Variants in SYCE1L observed in about 807,000 individuals in gnomAD.
The protein encoded by SYCE1L is synaptonemal complex central element protein 1 like.
In SYCE1L, 51 loss-of-function variants were observed where a neutral mutation model predicts 39.6. That is an observed-to-expected ratio of 1.29 (90% confidence interval 1.03 to 1.63). The LOEUF (loss-of-function observed/expected upper bound fraction) is 1.63. Among genes scored for constraint, SYCE1L ranks in the 40% most tolerant of loss-of-function variants. SYCE1L has a pLI of 0.00. For missense variants in SYCE1L, 426 were observed against 304.9 expected (o/e 1.40, Z -2.96); for synonymous variants, 147 against 122.4 (o/e 1.20, Z -1.33).
At position 77,211,207 on chromosome 16, in the gene SYCE1L, C is replaced by T; in HGVS notation, c.360-6C>T. 6.4e-6 allele frequency: 10 copies of T among 1,551,904 alleles called. No homozygotes were observed. Among genetic ancestry groups the T allele is most frequent in the Non-Finnish European group, 8.7e-6 (10 of 1,147,034 alleles). ...TGTTCTCTTATTCCTGGGTGTCGGCCTCCAGGTTGGATGTCAGAGGACAGC... is the reference window on the plus strand; with the variant it reads ...TGTTCTCTTATTCCTGGGTGTCGGCTTCCAGGTTGGATGTCAGAGGACAGC... On this transcript the variant is annotated splice_region_variant and splice_polypyrimidine_tract_variant and intron_variant, in intron 6 of 10. Coordinates refer to ENST00000378644, the MANE Select transcript of SYCE1L (RefSeq NM_001129979.3).
rs182688168 is a variant in SYCE1L at position 77,200,715 on chromosome 16, C to T, written c.61+1203C>T. On this transcript the variant is annotated intron_variant, in intron 1 of 10. Coordinates refer to ENST00000378644, the MANE Select transcript of SYCE1L (RefSeq NM_001129979.3). ...AGGTTATCGTGAGCTGACATTGCGC[C>T]ACTGCACTCCAGCGCGGAAGACAGA... is the stretch of plus-strand genomic sequence containing the variant. The T allele has an allele frequency of 6.1e-4, 88 of 143,964 alleles. 1 individual carries two copies. The highest frequency in any genetic ancestry group is 2.3e-3 in the African/African-American group (88 of 38,844). 8.9% of individuals were successfully genotyped at this position (143,964 alleles called of 1,614,324 possible).
At chr16:77,208,601 C>A in intron 4 of SYCE1L, 62 bp downstream of exon 4, 1 of 1,479,138 alleles carries the variant, frequency 6.8e-7, no homozygotes, top group Non-Finnish European at 9.2e-7. Context: ...TACCTCAGGG[C>A]CTTTGCACAG....
At chr16:77,200,304 C>T (rs1468702101) in intron 1 of SYCE1L, 2 of 65,350 alleles carry the variant, frequency 3.1e-5, no homozygotes, top group Non-Finnish European at 7.2e-5. Flanking sequence ...ACACACTAAT[C>T]AGCCGGGCGC....
chr16:77,200,108 G>T (rs979206558), intron 1 of SYCE1L: 1 of 151,264 alleles, frequency 6.6e-6, no homozygotes, highest in Non-Finnish European at 1.5e-5. Context: ...GAGGCGGGCG[G>T]ATCACGAGGT....
Position 77,204,242 on chromosome 16 carries a change from C to G in SYCE1L, c.62-2199C>G, listed in dbSNP as rs965269894. ...TCTATGTGTACCCAGTAGATACAGT[C>G]TAATGCAAGCACAAAGAATAATGTA... On this transcript the variant is annotated intron_variant, in intron 1 of 10. Transcript: ENST00000378644. Among the ~76,000 whole-genome samples, 6 of 152,134 alleles carry G rather than the reference C, an allele frequency of 3.9e-5. No individual in the cohort carries two copies. In the East Asian group the frequency reaches 9.6e-4, roughly 24 times the overall value.
rs1400136706 is a variant in SYCE1L at position 77,209,619 on chromosome 16, T to C, written c.359+148T>C. The C allele has an allele frequency of 1.6e-5, 13 of 810,352 alleles. No individual in the cohort carries two copies. In the Admixed American group the frequency reaches 3.6e-4, roughly 23 times the overall value. The allele number at this position is 810,352 out of a possible 1,614,324, so 50.2% of individuals were successfully genotyped here. On this transcript the variant is annotated intron_variant, in intron 6 of 10. Coordinates refer to ENST00000378644, the MANE Select transcript of SYCE1L (RefSeq NM_001129979.3). ...GCCTGACAAAAGATTTCCTTGGTTA[T>C]CTCTGATATTAAATGGTCGTGTTAA...
At chr16:77,200,256 GTATATATATATATATGTGTA>G (rs2054720099) in intron 1 of SYCE1L, 2 of 83,616 alleles carry the variant, frequency 2.4e-5, no homozygotes, top group Non-Finnish European at 5.7e-5. Context: ...ATGTATATGT[GTATATATATATATATGTGTA>G]TATATATATA....
intron 7 of SYCE1L, among the ~76,000 whole-genome samples, chr16:77,211,864 C>T (rs1029114187): frequency 6.6e-6 from 1 of 151,762 alleles, no homozygotes. Flanking sequence ...TGCCTGAAAC[C>T]GTTGAGGAGC....
chr16:77,212,370 G>C lies in SYCE1L; in HGVS notation c.581+1G>C. 1.3e-6 allele frequency: 2 copies of C among 1,529,156 alleles called. No homozygotes were observed. The highest frequency in any genetic ancestry group is 1.8e-6 in the Non-Finnish European group (2 of 1,139,400). 94.7% of individuals were successfully genotyped at this position (1,529,156 alleles called of 1,614,324 possible). A position where few individuals can be genotyped will look rare whatever the true frequency, so the allele number is the denominator to read the frequency against. ...AGGGCGCCATGGCGGTGAATGACGG[G>C]TGAGAGGGGAAGGGAGGAGTGGGCG... On this transcript the variant is annotated splice_donor_variant, in intron 9 of 10. Coordinates refer to ENST00000378644, the MANE Select transcript of SYCE1L (RefSeq NM_001129979.3). LOFTEE classifies it high-confidence loss of function.
At chr16:77,201,616 G>A (rs1192044676) in intron 1 of SYCE1L, 1 of 152,130 alleles carries the variant, frequency 6.6e-6, no homozygotes, top group Non-Finnish European at 1.5e-5. Flanking sequence ...GTAATCAAAG[G>A]AGAATACGTA....
chr16:77,203,792 G>C (rs1438742309), intron 1 of SYCE1L, among the ~76,000 whole-genome samples: 4 of 151,782 alleles, frequency 2.6e-5, no homozygotes, highest in Non-Finnish European at 4.4e-5. Flanking sequence ...TTGGGGTTTT[G>C]CCACGTTGGC....
intron 1 of SYCE1L, among the ~76,000 whole-genome samples, chr16:77,204,738 C>A (rs2054773191): frequency 6.6e-6 from 1 of 152,030 alleles, no homozygotes. Flanking sequence ...AACATGCTAC[C>A]ACTTACATAG....
intron 1 of SYCE1L, 141 bp from the exon 2 acceptor site, chr16:77,206,300 C>T: frequency 1.5e-6 from 1 of 687,434 alleles, no homozygotes. Flanking sequence ...GGGGGCCCTG[C>T]TTCAGATGGA....
At chr16:77,211,793 G>A (rs1253893874) in intron 7 of SYCE1L, among the ~76,000 whole-genome samples, 2 of 152,158 alleles carry the variant, frequency 1.3e-5, no homozygotes, top group Admixed American at 6.5e-5. Context: ...CAGAGGTGAA[G>A]GAAGTGAGGG....
At chr16:77,200,817 AC>A (rs2054733723) in intron 1 of SYCE1L, 2 of 151,806 alleles carry the variant, frequency 1.3e-5, no homozygotes, top group South Asian at 4.1e-4. Context: ...TTTGTATGCC[AC>A]TAGCATTTTT....
In SYCE1L at chr16:77,209,309, G is replaced by A; in HGVS notation, c.305-108G>A. The A allele has an allele frequency of 2.2e-6, 3 of 1,380,608 alleles. No individual in the cohort carries two copies. In the South Asian group the frequency reaches 3.7e-5, roughly 17 times the overall value. The allele number at this position is 1,380,608 out of a possible 1,614,324, so 85.5% of individuals were successfully genotyped here. ...TACATCACTTGGAGTAAACACCCAAGTCCTCACAGTGCCCTCCAATGCCTG... is the reference window on the plus strand; with the variant it reads ...TACATCACTTGGAGTAAACACCCAAATCCTCACAGTGCCCTCCAATGCCTG... On this transcript the variant is annotated intron_variant, in intron 5 of 10. Transcript: ENST00000378644.
intron 1 of SYCE1L, among the ~76,000 whole-genome samples, chr16:77,205,139 G>C (rs2054777137): frequency 6.6e-6 from 1 of 151,680 alleles, no homozygotes; most frequent in Admixed American, 6.6e-5. Flanking sequence ...AGCTTGTAAT[G>C]CTAGTGGCCT....
rs2054826754 is a variant in SYCE1L, at chr16:77,212,111, C to T, written c.424-19C>T. The T allele has an allele frequency of 5.2e-6, 8 of 1,545,308 alleles. No individual in the cohort carries two copies. The highest frequency in any genetic ancestry group is 6.1e-6 in the Non-Finnish European group (7 of 1,144,888). On this transcript the variant is annotated intron_variant, in intron 7 of 10. Transcript: ENST00000378644. The stretch of plus-strand genomic sequence containing the variant: ...CAAGAGGACGGCCAAACGGGGAGGC[C>T]TCCTCTTTGTCCTCGCAGATGCTGG...
At chr16:77,211,409 C>T (rs752884015) in intron 7 of SYCE1L, 133 bp downstream of exon 7, 6 of 1,069,780 alleles carry the variant, frequency 5.6e-6, no homozygotes, top group South Asian at 1.4e-5. Context: ...TCCGCTTGCC[C>T]ACCTATTCAG....
Sources: allele counts gnomAD v4.1 joint callset (sites outside exome capture counted in the v4.1 genomes callset), GRCh38; gene constraint gnomAD v4.1.1; transcripts MANE v1.5; gene names NCBI Gene and HGNC (gene_info 2026-07-23, HGNC 2026-07-21).